Variants in NIBAN3 observed in about 807,000 individuals in gnomAD.
The protein encoded by NIBAN3 is niban apoptosis regulator 3.
In NIBAN3, 66 loss-of-function variants were observed where a neutral mutation model predicts 76.4. The ratio of observed to expected loss-of-function variants is 0.86; its 90% CI spans 0.71 to 1.06. NIBAN3 has a LOEUF of 1.06. Ranked by LOEUF, NIBAN3 falls within the 50% of genes least tolerant of loss-of-function variation. NIBAN3 has a pLI of 0.00. For missense variants in NIBAN3, 808 were observed against 810.7 expected, an observed-to-expected ratio of 1.00 and a Z score of 0.04; for synonymous variants, 360 against 355.2, an observed-to-expected ratio of 1.01 and a Z score of -0.15.
intron 3 of NIBAN3, among the ~76,000 whole-genome samples, chr19:17,533,002 G>A (rs1006762199): frequency 4.6e-5 from 7 of 152,146 alleles, no homozygotes; most frequent in Non-Finnish European, 7.4e-5. Context: ...GCCGGGCCTC[G>A]TGGCTCACGC....
upstream of NIBAN3, among the ~76,000 whole-genome samples, chr19:17,526,964 G>T (rs568927600): frequency 5.6e-4 from 85 of 152,200 alleles, no homozygotes; most frequent in African/African-American, 1.9e-3. Context: ...TGGTGGGGGG[G>T]TGTGGCACCA....
At chr19:17,539,873 T>A (rs1310977509) in intron 8 of NIBAN3, 108 bp downstream of exon 8, 21 of 521,552 alleles carry the variant, frequency 4.0e-5, no homozygotes, top group East Asian at 9.3e-5. Context: ...AATGGGGGCG[T>A]GGTCAGAGAG....
rs2076094183 is a variant in NIBAN3, at chr19:17,548,187, T to C, written c.1667-1257T>C. ...ATGATCACTGAGATGTGTGCACTGA[T>C]TGGGGGGTGAACAGGATGCAGTGGG... On this transcript the variant is annotated intron_variant, in intron 13 of 14. Coordinates refer to ENST00000599164, the MANE Select transcript of NIBAN3 (RefSeq NM_001321827.2). 2.0e-5 allele frequency among the ~76,000 whole-genome samples: 3 copies of C among 152,066 alleles called. No individual in the cohort carries two copies. The South Asian group carries it at 6.2e-4, about 32-fold the overall frequency.
upstream of NIBAN3, among the ~76,000 whole-genome samples, chr19:17,526,236 C>T (rs8105108): frequency 8.7e-3 from 1,310 of 150,724 alleles, 19 homozygotes; most frequent in African/African-American, 0.03. Flanking sequence ...TCACTTGAAC[C>T]CGGGAGGTGG....
chr19:17,542,430 C>T lies in NIBAN3; in HGVS notation c.1329+136C>T, dbSNP rs1183364404. 3.1e-6 allele frequency: 3 copies of T among 959,176 alleles called. No homozygotes were observed. Among genetic ancestry groups the T allele is most frequent in the Non-Finnish European group, 4.6e-6 (3 of 655,650 alleles). The allele number at this position is 959,176 out of a possible 1,614,324, so 59.4% of individuals were successfully genotyped here. On this transcript the variant is annotated intron_variant, in intron 10 of 14. Coordinates refer to ENST00000599164, the MANE Select transcript of NIBAN3 (RefSeq NM_001321827.2). The surrounding 1 kb of genome is among the most constrained non-coding windows in gnomAD (Gnocchi z 4.8). Reference sequence around the variant, plus strand: ...CTGCCAGTCTCATGGGGACATGAGCCCGTGACCAGGCAGCAGCCACATGTG... The same window carrying T: ...CTGCCAGTCTCATGGGGACATGAGCTCGTGACCAGGCAGCAGCCACATGTG...
At chr19:17,539,908 C>A in intron 8 of NIBAN3, 143 bp downstream of exon 8, 3 of 207,496 alleles carry the variant, frequency 1.4e-5, no homozygotes, top group Non-Finnish European at 1.7e-5. Flanking sequence ...ATAGGATGTG[C>A]AAGGGAACGG....
chr19:17,553,608 C>A lies in NIBAN3; in HGVS notation c.*1710C>A. ...CCTATTTCCCTCCAACCCCACCTTCCGAAATACATTTGCTCAATACATTTG... is the reference window on the plus strand; with the variant it reads ...CCTATTTCCCTCCAACCCCACCTTCAGAAATACATTTGCTCAATACATTTG... On this transcript the variant is annotated 3_prime_UTR_variant, in exon 15 of 15. Transcript: ENST00000599164. 1 of 1,539,248 alleles carries A rather than the reference C, an allele frequency of 6.5e-7. No individual in the cohort carries two copies. Among genetic ancestry groups the A allele is most frequent in the Non-Finnish European group, 9.0e-7 (1 of 1,113,192 alleles).
At chr19:17,541,414 T>C (rs1314393690) in intron 9 of NIBAN3, among the ~76,000 whole-genome samples, 1 of 152,128 alleles carries the variant, frequency 6.6e-6, no homozygotes, top group Non-Finnish European at 1.5e-5. Context: ...CTGACTTTCA[T>C]ACCACTGTGG....
chr19:17,553,648 CT>C, downstream of NIBAN3: 1 of 1,139,548 alleles, frequency 8.8e-7, no homozygotes, highest in Non-Finnish European at 1.3e-6. Context: ...TCATAGGCTT[CT>C]TTAGCTGTCT....
chr19:17,545,895 G>C, intron 12 of NIBAN3: 1 of 418,326 alleles, frequency 2.4e-6, no homozygotes, highest in South Asian at 1.7e-5. Flanking sequence ...TGGAGGAGCA[G>C]AGTCTTCTCT....
rs2076177731 is a variant in NIBAN3 at position 17,552,918 on chromosome 19, AAAT to A, written c.*1023_*1025del. 1.5e-4 allele frequency: 2 copies of A among 13,792 alleles called. No homozygotes were observed. The highest frequency in any genetic ancestry group is 7.3e-4 in the Admixed American group (1 of 1,362). 0.9% of individuals were successfully genotyped at this position (13,792 alleles called of 1,614,324 possible). On this transcript the variant is annotated 3_prime_UTR_variant, in exon 15 of 15. Transcript: ENST00000599164. ...ACCTGTCTCTACTAAAAAATAAAAT[AAAT>A]AAATAAATAAATAAATAAATAAATA...
Position 17,542,347 on chromosome 19 carries a change from T to C in NIBAN3, c.1329+53T>C. 6.5e-7 allele frequency: 1 copy of C among 1,532,026 alleles called. No individual in the cohort carries two copies. The highest frequency in any genetic ancestry group is 8.8e-7 in the Non-Finnish European group (1 of 1,137,854). The allele number at this position is 1,532,026 out of a possible 1,614,324, so 94.9% of individuals were successfully genotyped here. A position where few individuals can be genotyped will look rare whatever the true frequency, so the allele number is the denominator to read the frequency against. ...GCCAGGCTGTGAAGACAGCCTCCAC[T>C]GACCTCCTGCTAAGTGTGCCCTGGA... On this transcript the variant is annotated intron_variant, in intron 10 of 14. Coordinates refer to ENST00000599164, the MANE Select transcript of NIBAN3 (RefSeq NM_001321827.2). This position sits in a 1 kb window ranked among gnomAD's most constrained non-coding sequence, Gnocchi z 4.8.
At chr19:17,528,279 A>G (rs1166014359) in intron 1 of NIBAN3, among the ~76,000 whole-genome samples, 1 of 151,938 alleles carries the variant, frequency 6.6e-6, no homozygotes, top group African/African-American at 2.4e-5. Flanking sequence ...TTTAGTAGAG[A>G]TGGGGTTTCA....
rs1204688741 is a variant in NIBAN3 at position 17,553,310 on chromosome 19, T to C, written c.*1412T>C. 2 of 1,612,216 alleles carry C rather than the reference T, an allele frequency of 1.2e-6. No individual in the cohort carries two copies. The highest frequency in any genetic ancestry group is 1.1e-5 in the South Asian group (1 of 91,042). On this transcript the variant is annotated 3_prime_UTR_variant, in exon 15 of 15. Coordinates refer to ENST00000599164, the MANE Select transcript of NIBAN3 (RefSeq NM_001321827.2). ...CTGTGAGCCTTTTGGGTTTGTTTCC[T>C]AGCTCCAAATCTTAACTTGGTGTCA...
downstream of NIBAN3, among the ~76,000 whole-genome samples, chr19:17,554,318 A>G (rs962010632): frequency 1.3e-5 from 2 of 152,008 alleles, no homozygotes; most frequent in African/African-American, 2.4e-5. Context: ...CATCTCTACA[A>G]AAAATTTAAA....
chr19:17,546,575 G>A (rs879453323), intron 12 of NIBAN3, 111 bp from the exon 13 acceptor site: 326 of 1,273,138 alleles, frequency 2.6e-4, no homozygotes, highest in Admixed American at 3.1e-4. Context: ...CCCAAGCCCC[G>A]CCCCCCAACC....
chr19:17,540,023 G>A (rs1010680410), intron 8 of NIBAN3: 3 of 473,818 alleles, frequency 6.3e-6, no homozygotes, highest in South Asian at 3.6e-5. Flanking sequence ...GTCCTAAGGG[G>A]GCTGCTTGGA....
At chr19:17,540,363 G>A (rs762666796) in intron 8 of NIBAN3, 29 bp from the exon 9 acceptor site, 19 of 1,411,922 alleles carry the variant, frequency 1.3e-5, no homozygotes, top group Admixed American at 5.5e-5. Flanking sequence ...TTGCGGAGGG[G>A]ACTCCAGACC....
Position 17,553,152 on chromosome 19 carries a change from C to A in NIBAN3, c.*1254C>A. The A allele has an allele frequency of 3.0e-6, 3 of 1,012,134 alleles. No homozygotes were observed. Among genetic ancestry groups the A allele is most frequent in the African/African-American group, 1.6e-5 (1 of 61,342 alleles). The allele number at this position is 1,012,134 out of a possible 1,614,324, so 62.7% of individuals were successfully genotyped here. ...TTTTTTTTTAATTTCAGTGAATTGC[C>A]TGTTCATAGCTTTTTTCTACTTTTC... is the stretch of plus-strand genomic sequence containing the variant. On this transcript the variant is annotated 3_prime_UTR_variant, in exon 15 of 15. Transcript: ENST00000599164.
Sources: gnomAD v4.1 joint callset for allele counts (sites outside exome capture counted in the v4.1 genomes callset) on GRCh38, gnomAD v4.1.1 for gene constraint, Gnocchi (gnomAD v3.1) non-coding constraint, MANE v1.5 for transcripts, NCBI Gene and HGNC (gene_info 2026-07-23, HGNC 2026-07-21) for gene names.